The following RYR2 variants were observed in gnomAD, a reference collection of about 807,000 sequenced individuals.
The protein encoded by RYR2 is cardiac muscle ryanodine receptor-calcium release channel.
Under a neutral mutation model 601.1 loss-of-function variants are expected in RYR2, and 227 were observed. The observed-to-expected ratio is 0.38, with a 90% CI of 0.34 to 0.42. The LOEUF (loss-of-function observed/expected upper bound fraction) is 0.42, where lower values mean the gene tolerates loss of function less well. RYR2 is among the 10% of genes least tolerant of loss of function. The pLI, the probability that RYR2 is intolerant of heterozygous loss-of-function variation, is 1.00. For synonymous variants in RYR2, 2,223 were observed against 2,175.1 expected, an observed-to-expected ratio of 1.02 and a Z score of -0.61; for missense variants, 4,646 against 6,156.5, an observed-to-expected ratio of 0.75 and a Z score of 8.21.
chr1:237,269,273 C>A (rs561651037), intron 1 of RYR2, among the ~76,000 whole-genome samples: 33 of 151,980 alleles, frequency 2.2e-4, no homozygotes, highest in African/African-American at 7.7e-4. Context: ...GAACTCCCAA[C>A]CTCAGGTGAG....
At chr1:237,696,810 A>G (rs1687491661) in intron 63 of RYR2, among the ~76,000 whole-genome samples, 1 of 152,078 alleles carries the variant, frequency 6.6e-6, no homozygotes, top group Non-Finnish European at 1.5e-5. Context: ...TAAATCCTTC[A>G]AATATATATT....
intron 25 of RYR2, among the ~76,000 whole-genome samples, chr1:237,547,940 A>G (rs1669993513): frequency 6.6e-6 from 1 of 152,246 alleles, no homozygotes; most frequent in Admixed American, 6.5e-5. Context: ...GACAGTAAGG[A>G]AATAAGTTAC....
intron 60 of RYR2, among the ~76,000 whole-genome samples, chr1:237,676,083 GC>G (rs747525020): frequency 5.3e-5 from 8 of 152,068 alleles, no homozygotes; most frequent in Non-Finnish European, 1.2e-4. Flanking sequence ...AATTATTGAA[GC>G]TTTTACACAC....
At chr1:237,658,331 C>T (rs1683447588) in intron 54 of RYR2, among the ~76,000 whole-genome samples, 1 of 152,016 alleles carries the variant, frequency 6.6e-6, no homozygotes, top group African/African-American at 2.4e-5. Flanking sequence ...CCAAGAGCTT[C>T]AGGAGGAAAT....
At chr1:237,285,633 G>A (rs1038619827) in intron 2 of RYR2, among the ~76,000 whole-genome samples, 5 of 151,992 alleles carry the variant, frequency 3.3e-5, no homozygotes, top group South Asian at 2.1e-4. Flanking sequence ...GGTAGAATTC[G>A]GCAGTGAATC....
intron 8 of RYR2, among the ~76,000 whole-genome samples, chr1:237,385,425 G>A (rs1311773501): frequency 6.6e-6 from 1 of 152,068 alleles, no homozygotes; most frequent in Non-Finnish European, 1.5e-5. Flanking sequence ...CATGTGATAT[G>A]TTTATATACT....
At chr1:237,787,388 G>C (rs544125097) in intron 91 of RYR2, among the ~76,000 whole-genome samples, 1 of 152,006 alleles carries the variant, frequency 6.6e-6, no homozygotes, top group South Asian at 2.1e-4. Flanking sequence ...AGGAGTTCAA[G>C]ACCAGCCTGG....
At position 237,042,492 on chromosome 1, in the gene RYR2, G is replaced by A; in HGVS notation, c.-30G>A. 1 of 1,246,008 alleles carries A rather than the reference G, an allele frequency of 8.0e-7. No homozygotes were observed. The highest frequency in any genetic ancestry group is 1.0e-6 in the Non-Finnish European group (1 of 986,716). 77.2% of individuals were successfully genotyped at this position (1,246,008 alleles called of 1,614,324 possible). A position where few individuals can be genotyped will look rare whatever the true frequency, so the allele number is the denominator to read the frequency against. On this transcript the variant is annotated 5_prime_UTR_variant, in exon 1 of 105. Transcript: ENST00000366574. Reference sequence around the variant, plus strand: ...CGCCGCCGAGCTCCGCGGGGCTCGGGAGCCGGCCCCGGCGAGGAGGCGCGG... The same window carrying A: ...CGCCGCCGAGCTCCGCGGGGCTCGGAAGCCGGCCCCGGCGAGGAGGCGCGG...
intron 27 of RYR2, among the ~76,000 whole-genome samples, chr1:237,557,462 G>A (rs148028086): frequency 4.3e-4 from 66 of 152,244 alleles, no homozygotes; most frequent in Admixed American, 3.7e-3. Context: ...ACACAAGGAG[G>A]ATTGCAAATG....
chr1:237,814,976 T>G (rs1030064441), intron 100 of RYR2, among the ~76,000 whole-genome samples: 13 of 146,558 alleles, frequency 8.9e-5, no homozygotes, highest in African/African-American at 3.0e-4. Context: ...TTTTTTTTTT[T>G]TTTTTTTTGC....
chr1:237,476,367 A>G (rs540367939), intron 17 of RYR2, among the ~76,000 whole-genome samples: 2 of 151,936 alleles, frequency 1.3e-5, no homozygotes, highest in Non-Finnish European at 2.9e-5. Context: ...AAAATTAGCC[A>G]GGCATGGTGG....
chr1:237,217,077 A>G (rs1329061545), intron 1 of RYR2, among the ~76,000 whole-genome samples: 1 of 152,162 alleles, frequency 6.6e-6, no homozygotes, highest in African/African-American at 2.4e-5. Flanking sequence ...GTTAATTGGG[A>G]TTAGACTATT....
intron 12 of RYR2, among the ~76,000 whole-genome samples, chr1:237,430,617 C>T (rs1706710610): frequency 6.6e-6 from 1 of 152,036 alleles, no homozygotes; most frequent in Non-Finnish European, 1.5e-5. Context: ...ATTATTTTGG[C>T]TATTACAATA....
At chr1:237,575,246 T>C (rs1277880486) in intron 29 of RYR2, among the ~76,000 whole-genome samples, 2 of 152,210 alleles carry the variant, frequency 1.3e-5, no homozygotes, top group Non-Finnish European at 2.9e-5. Flanking sequence ...TAGTTGACAC[T>C]TCAGCTTTTA....
At chr1:237,369,483 A>T in intron 5 of RYR2, 51 bp from the exon 6 acceptor site, 1 of 1,435,462 alleles carries the variant, frequency 7.0e-7, no homozygotes, top group Non-Finnish European at 9.6e-7. Flanking sequence ...TGGTTAAGTT[A>T]CTCTTTTGTG....
chr1:237,232,133 A>C (rs1244742872), intron 1 of RYR2, among the ~76,000 whole-genome samples: 2 of 152,162 alleles, frequency 1.3e-5, no homozygotes, highest in African/African-American at 4.8e-5. Context: ...AATCCTTAGA[A>C]TCTCCAAAGT....
At chr1:237,285,448 G>A (rs554894484) in intron 2 of RYR2, among the ~76,000 whole-genome samples, 1 of 152,210 alleles carries the variant, frequency 6.6e-6, no homozygotes, top group South Asian at 2.1e-4. Context: ...GAGGATTTTA[G>A]CATCTATGTT....
intron 1 of RYR2, among the ~76,000 whole-genome samples, chr1:237,158,282 G>C (rs114383061): frequency 6.6e-6 from 1 of 152,130 alleles, no homozygotes; most frequent in Non-Finnish European, 1.5e-5. Flanking sequence ...GATCAGGGAA[G>C]GTTTGTGGTC....
intron 3 of RYR2, among the ~76,000 whole-genome samples, chr1:237,336,552 G>A (rs1240704935): frequency 6.6e-6 from 1 of 152,140 alleles, no homozygotes; most frequent in South Asian, 2.1e-4. Flanking sequence ...TGTAGAATGT[G>A]GAGTAGTAAA....
Sources: allele counts gnomAD v4.1 joint callset (sites outside exome capture counted in the v4.1 genomes callset), GRCh38; gene constraint gnomAD v4.1.1; transcripts MANE v1.5; gene names NCBI Gene and HGNC (gene_info 2026-07-23, HGNC 2026-07-21).